The following DLC1 variants were observed in gnomAD, a reference collection of about 807,000 sequenced individuals.
DLC1 encodes the protein DLC1 Rho GTPase activating protein.
Under a neutral mutation model 140.3 loss-of-function variants are expected in DLC1, and 54 were observed. The observed-to-expected ratio is 0.38, with a 90% CI of 0.31 to 0.48. DLC1 has a LOEUF of 0.48. DLC1 is among the 20% of genes least tolerant of loss of function. The probability of loss-of-function intolerance (pLI) is 0.96; values close to 1 mark genes in which losing one functional copy is unlikely to be tolerated. For synonymous variants in DLC1, 986 were observed against 728.1 expected, an observed-to-expected ratio of 1.35 and a Z score of -5.70; for missense variants, 2,536 against 1,907.0, an observed-to-expected ratio of 1.33 and a Z score of -6.14.
chr8:13,500,948 C>G (rs1801784013), intron 1 of DLC1, among the ~76,000 whole-genome samples: 1 of 152,122 alleles, frequency 6.6e-6, no homozygotes, highest in Non-Finnish European at 1.5e-5. Context: ...AGCAAGTGAG[C>G]CGAGATTCAA....
At chr8:13,245,057 G>C (rs184022231) in intron 5 of DLC1, among the ~76,000 whole-genome samples, 1 of 152,156 alleles carries the variant, frequency 6.6e-6, no homozygotes, top group African/African-American at 2.4e-5. Flanking sequence ...GTAACCAACA[G>C]AATGTAGCTG....
At chr8:13,589,379 A>G (rs1325867028) in intron 1 of DLC1, among the ~76,000 whole-genome samples, 3 of 152,128 alleles carry the variant, frequency 2.0e-5, no homozygotes, top group Non-Finnish European at 4.4e-5. Flanking sequence ...AGGCACAATG[A>G]GTCTCCATTT....
At chr8:13,458,500 C>T (rs1355756383) in intron 2 of DLC1, among the ~76,000 whole-genome samples, 1 of 152,044 alleles carries the variant, frequency 6.6e-6, no homozygotes, top group African/African-American at 2.4e-5. Flanking sequence ...TAAGTAATTC[C>T]CTTGTTATTT....
chr8:13,092,633 T>C lies in DLC1; in HGVS notation c.3719A>G (p.Lys1240Arg). 1 of 1,614,194 alleles carries C rather than the reference T, an allele frequency of 6.2e-7. No individual in the cohort carries two copies. The highest frequency in any genetic ancestry group is 8.5e-7 in the Non-Finnish European group (1 of 1,180,038). Residue 1240 changes from lysine to arginine, a missense_variant, in exon 13 of 18, where the codon AAG becomes AGG. Coordinates refer to ENST00000276297, the MANE Select transcript of DLC1 (RefSeq NM_182643.3). ...APSLFHLNTL[K>R]RENSSPRVMQ... is the part of the protein sequence containing the mutation. ...GTACCTGGGAGAGGAATTCTCTCTC[T>C]TCAGGGTGTTGAGATGGAAGAGGGA...
chr8:13,433,142 C>G (rs7842856), intron 2 of DLC1, among the ~76,000 whole-genome samples: 2 of 152,002 alleles, frequency 1.3e-5, no homozygotes, highest in Non-Finnish European at 2.9e-5. Context: ...TTGAAGAGAA[C>G]AGGCATTCCT....
chr8:13,124,925 A>G (rs1821423121), intron 5 of DLC1, among the ~76,000 whole-genome samples: 1 of 152,168 alleles, frequency 6.6e-6, no homozygotes, highest in South Asian at 2.1e-4. Flanking sequence ...TAAATTTACG[A>G]AAGTTTTAAT....
At chr8:13,264,097 C>T (rs1281969823) in intron 5 of DLC1, among the ~76,000 whole-genome samples, 1 of 60,148 alleles carries the variant, frequency 1.7e-5, no homozygotes, top group African/African-American at 7.4e-5. Flanking sequence ...GAGACAGAGT[C>T]TTGCTCTGTC....
At chr8:13,154,304 C>T (rs1215946813) in intron 5 of DLC1, among the ~76,000 whole-genome samples, 2 of 152,212 alleles carry the variant, frequency 1.3e-5, no homozygotes, top group Non-Finnish European at 2.9e-5. Flanking sequence ...GCGGTGGGGG[C>T]TCAGGAATGG....
chr8:13,602,350 T>C (rs1224690957), intron 1 of DLC1, among the ~76,000 whole-genome samples: 1 of 151,770 alleles, frequency 6.6e-6, no homozygotes, highest in African/African-American at 2.4e-5. Flanking sequence ...AAAAGACACA[T>C]AGGAAACTGT....
chr8:13,228,710 C>T (rs1220642819), intron 5 of DLC1, among the ~76,000 whole-genome samples: 1 of 152,238 alleles, frequency 6.6e-6, no homozygotes, highest in Non-Finnish European at 1.5e-5. Flanking sequence ...TGCTGCTCCA[C>T]TCCAGCCTGT....
At chr8:13,553,224 ATATGTATATATATATATATATATATATG>A (rs1156792834) in intron 1 of DLC1, among the ~76,000 whole-genome samples, 1 of 62,014 alleles carries the variant, frequency 1.6e-5, no homozygotes, top group African/African-American at 7.2e-5. Flanking sequence ...ATATATATAT[ATATGTATATATATATATATATATATATG>A]TATCACCTTT....
intron 2 of DLC1, among the ~76,000 whole-genome samples, chr8:13,477,465 G>C (rs547457978): frequency 4.9e-4 from 74 of 152,270 alleles, no homozygotes; most frequent in African/African-American, 1.8e-3. Context: ...TGAGAGTAGG[G>C]CTTCAAATTT....
intron 5 of DLC1, among the ~76,000 whole-genome samples, chr8:13,129,401 T>C (rs1254122394): frequency 6.6e-6 from 1 of 152,212 alleles, no homozygotes; most frequent in African/African-American, 2.4e-5. Context: ...TTACACTCTA[T>C]GGTTGGGCAT....
At chr8:13,384,452 T>C (rs1383210860) in intron 4 of DLC1, among the ~76,000 whole-genome samples, 3 of 152,212 alleles carry the variant, frequency 2.0e-5, no homozygotes, top group Non-Finnish European at 4.4e-5. Context: ...CTCACAACTT[T>C]GATATATCCA....
intron 1 of DLC1, among the ~76,000 whole-genome samples, chr8:13,510,733 G>C (rs1223608267): frequency 6.6e-6 from 1 of 152,048 alleles, no homozygotes; most frequent in African/African-American, 2.4e-5. Flanking sequence ...GTTCTCACTG[G>C]CCTCATGTAA....
At chr8:13,188,479 T>C (rs1826519800) in intron 5 of DLC1, among the ~76,000 whole-genome samples, 1 of 149,646 alleles carries the variant, frequency 6.7e-6, no homozygotes, top group Admixed American at 6.7e-5. Context: ...GATTAGCAGT[T>C]ACTTTTGGGA....
chr8:13,328,766 A>T (rs1833472474), intron 4 of DLC1, among the ~76,000 whole-genome samples: 1 of 151,340 alleles, frequency 6.6e-6, no homozygotes, highest in African/African-American at 2.4e-5. Flanking sequence ...TGATGTGATG[A>T]GCACCAGCCA....
At chr8:13,241,830 C>G (rs1829556854) in intron 5 of DLC1, among the ~76,000 whole-genome samples, 1 of 152,046 alleles carries the variant, frequency 6.6e-6, no homozygotes, top group South Asian at 2.1e-4. Context: ...TTGGTATATC[C>G]AGACCCCGGG....
intron 5 of DLC1, among the ~76,000 whole-genome samples, chr8:13,221,682 G>T (rs941438319): frequency 1.5e-5 from 2 of 133,030 alleles, no homozygotes; most frequent in South Asian, 2.4e-4. Flanking sequence ...CAAAGATTTT[G>T]TGTGTGTGTG....
Sources: gnomAD v4.1 joint callset for allele counts (sites outside exome capture counted in the v4.1 genomes callset) on GRCh38, gnomAD v4.1.1 for gene constraint, MANE v1.5 for transcripts, NCBI Gene and HGNC (gene_info 2026-07-23, HGNC 2026-07-21) for gene names.